The following ACSS2 variants were observed in gnomAD, a reference collection of about 807,000 sequenced individuals.
ACSS2 encodes acyl-CoA synthetase short chain family member 2, also known as acetyl-coenzyme A synthetase, cytoplasmic.
A neutral mutation model predicts 90.6 loss-of-function variants in ACSS2; 58 were observed. That is an observed-to-expected ratio of 0.64 (90% CI 0.52 to 0.80). The LOEUF (loss-of-function observed/expected upper bound fraction) is 0.80, where lower values mean the gene tolerates loss of function less well. Ranked by LOEUF, ACSS2 falls within the 30% of genes least tolerant of loss-of-function variation. ACSS2 has a pLI of 0.00. For synonymous variants in ACSS2, 300 were observed against 330.9 expected (o/e 0.91, Z 1.01); for missense variants, 759 against 912.0 (o/e 0.83, Z 2.16).
chr20:34,921,011 G>C lies in ACSS2; in HGVS notation c.1149G>C (p.Glu383Asp). Residue 383 changes from glutamate (E) to aspartate (D), a missense_variant, in exon 10 of 18, where the codon GAG (glutamate) becomes GAC (aspartate). By Grantham distance (45) the Glu-to-Asp change is conservative. Transcript: ENST00000360596. ...GACCAGCCTTCATGGGTCAGTTTGA[G>C]GGGATTCCCACATATCCGGACGTGA... Reference protein sequence around the residue: ...LANGATSVLFEGIPTYPDVNR... With the variant: ...LANGATSVLFDGIPTYPDVNR... The C allele has an allele frequency of 6.2e-7, 1 of 1,614,162 alleles. No individual in the cohort carries two copies. The highest frequency in any genetic ancestry group is 1.1e-5 in the South Asian group (1 of 91,090).
chr20:34,911,993 T>G (rs1288966591), intron 2 of ACSS2, among the ~76,000 whole-genome samples: 2 of 151,826 alleles, frequency 1.3e-5, no homozygotes, highest in African/African-American at 4.8e-5. Context: ...AATTTTTGTA[T>G]TTTTAGTAGA....
At chr20:34,909,821 A>T (rs1302621015) in intron 2 of ACSS2, among the ~76,000 whole-genome samples, 5 of 150,516 alleles carry the variant, frequency 3.3e-5, no homozygotes, top group African/African-American at 1.2e-4. Flanking sequence ...GGTTCAAATG[A>T]TCCTCCCGCC....
chr20:34,882,669 G>T, intron 1 of ACSS2, 125 bp from the exon 2 acceptor site: 1 of 797,924 alleles, frequency 1.3e-6, no homozygotes, highest in East Asian at 2.8e-5. Context: ...GTAAAGAAGG[G>T]ACCCAGGTGG....
intron 2 of ACSS2, among the ~76,000 whole-genome samples, chr20:34,909,360 C>G (rs1337459196): frequency 2.0e-5 from 3 of 151,676 alleles, no homozygotes; most frequent in African/African-American, 7.3e-5. Flanking sequence ...AGAGTGAGAC[C>G]CTGTCTCAAA....
chr20:34,898,860 C>T lies in ACSS2; in HGVS notation c.375-14236C>T, dbSNP rs146543081. On this transcript the variant is annotated intron_variant, in intron 2 of 17. Transcript: ENST00000360596. ...GGTGCCGTGAGCAGGGGGCGGTGCT[C>T]GTCGGGGGGGCTCGGGCCGCACAGG... 9.7e-3 allele frequency among the ~76,000 whole-genome samples: 1,437 copies of T among 147,812 alleles called. 12 individuals carry two copies. The highest frequency in any genetic ancestry group is 0.017 in the Middle Eastern group (5 of 290).
chr20:34,914,377 C>T lies in ACSS2; in HGVS notation c.774C>T (p.Leu258=), dbSNP rs767317489. 3.1e-6 allele frequency: 5 copies of T among 1,613,898 alleles called. No individual in the cohort carries two copies. The highest frequency in any genetic ancestry group is 1.1e-5 in the South Asian group (1 of 91,004). The change falls in exon 7 of 18, where the codon CTC becomes CTT. Residue 258 remains leucine, a synonymous_variant. Coordinates refer to ENST00000360596, the MANE Select transcript of ACSS2 (RefSeq NM_018677.4). ...TCAAGCACCTGGGGCGGGCAGAGCT[C>T]GGCATGGGTGACTCCACCAGCCAGT... is the stretch of plus-strand genomic sequence containing the variant. ...IVVKHLGRAE[L]GMGDSTSQSP... is the part of the protein sequence containing the mutation.
At chr20:34,910,244 A>G (rs1449197317) in intron 2 of ACSS2, among the ~76,000 whole-genome samples, 1 of 152,156 alleles carries the variant, frequency 6.6e-6, no homozygotes, top group Non-Finnish European at 1.5e-5. Context: ...ACTTCTTGCA[A>G]AGTAATTATT....
At chr20:34,924,459 G>A (rs150392931) in intron 14 of ACSS2, among the ~76,000 whole-genome samples, 40 of 152,310 alleles carry the variant, frequency 2.6e-4, no homozygotes, top group African/African-American at 9.4e-4. Context: ...GGCCTGAAGG[G>A]TGAGAAGGAA....
In ACSS2 at chr20:34,901,578, G is replaced by A. The variant is rs78426399; in HGVS notation, c.375-11518G>A. 7.4e-3 allele frequency among the ~76,000 whole-genome samples: 1,123 copies of A among 152,290 alleles called. 17 individuals are homozygous for A. Among genetic ancestry groups the A allele is most frequent in the African/African-American group, 0.026 (1,082 of 41,568 alleles). ...TGGTGAAAGGGAAATTGACTTGTGG[G>A]TATACTTATATCTTGAGTGCTCCAC... On this transcript the variant is annotated intron_variant, in intron 2 of 17. Coordinates refer to ENST00000360596, the MANE Select transcript of ACSS2 (RefSeq NM_018677.4).
At chr20:34,878,213 G>A (rs1370818168) in intron 1 of ACSS2, among the ~76,000 whole-genome samples, 2 of 152,206 alleles carry the variant, frequency 1.3e-5, no homozygotes, top group Non-Finnish European at 2.9e-5. Flanking sequence ...GTGATTACAT[G>A]TGCATGAGCT....
rs755452302 is a variant in ACSS2 at position 34,926,910 on chromosome 20, A to C, written c.1937A>C (p.Asp646Ala). 6.2e-7 allele frequency: 1 copy of C among 1,614,160 alleles called. No homozygotes were observed. Among genetic ancestry groups the C allele is most frequent in the Non-Finnish European group, 8.5e-7 (1 of 1,180,026 alleles). Residue 646 changes from aspartate to alanine, a missense_variant, in exon 17 of 18, where the codon GAC (aspartate) becomes GCC (alanine). Coordinates refer to ENST00000360596, the MANE Select transcript of ACSS2 (RefSeq NM_018677.4). Reference protein sequence around the residue: ...REKIGPIATPDYIQNAPGLPK... With the variant: ...REKIGPIATPAYIQNAPGLPK... ...AAGATTGGCCCCATTGCCACACCAG[A>C]CTACATCCAGAATGCACCTGGCTTG... is the stretch of plus-strand genomic sequence containing the variant.
intron 1 of ACSS2, among the ~76,000 whole-genome samples, chr20:34,881,628 C>T (rs2080073765): frequency 6.6e-6 from 1 of 152,140 alleles, no homozygotes; most frequent in African/African-American, 2.4e-5. Context: ...AACATATGCC[C>T]TTGGTCTCTT....
At chr20:34,882,574 A>T (rs2080092809) in intron 1 of ACSS2, among the ~76,000 whole-genome samples, 1 of 151,996 alleles carries the variant, frequency 6.6e-6, no homozygotes, top group South Asian at 2.1e-4. Context: ...GTGAGCCGAG[A>T]TCATGCCACT....
At chr20:34,908,936 A>G (rs1328867575) in intron 2 of ACSS2, 3 of 448,048 alleles carry the variant, frequency 6.7e-6, no homozygotes, top group South Asian at 1.6e-5. Context: ...CTACAGATAT[A>G]CTTGCAGGTG....
rs774923327 is a variant in ACSS2 at position 34,921,829 on chromosome 20, C to A, written c.1511C>A (p.Ser504Tyr). Residue 504 changes from serine (S) to tyrosine (Y), a missense_variant, in exon 13 of 18, where the codon TCC becomes TAC. By Grantham distance (144) the Ser-to-Tyr change is moderately radical. Coordinates refer to ENST00000360596, the MANE Select transcript of ACSS2 (RefSeq NM_018677.4). Reference sequence around the variant, plus strand: ...GTAGCTCCTGCAATCCTGAATGAGTCCGGGGAAGAGTTGGAAGGTGAAGCT... The same window carrying A: ...GTAGCTCCTGCAATCCTGAATGAGTACGGGGAAGAGTTGGAAGGTGAAGCT... ...FGVAPAILNE[S>Y]GEELEGEAEG... is the part of the protein sequence containing the mutation. 1.7e-5 allele frequency: 27 copies of A among 1,613,916 alleles called. No homozygotes were observed. Among genetic ancestry groups the A allele is most frequent in the Non-Finnish European group, 2.1e-5 (25 of 1,179,988 alleles).
At chr20:34,902,399 T>C (rs556258938) in intron 2 of ACSS2, among the ~76,000 whole-genome samples, 7 of 152,286 alleles carry the variant, frequency 4.6e-5, no homozygotes, top group African/African-American at 1.4e-4. Context: ...AGCAGTGTTA[T>C]GATGAATAAC....
upstream of ACSS2, chr20:34,875,247 T>C (rs968322659): frequency 2.1e-5 from 11 of 517,154 alleles, no homozygotes; most frequent in Admixed American, 1.9e-4. Flanking sequence ...GGGTTTCCCT[T>C]GGTGGAGTAA....
chr20:34,922,861 C>T lies in ACSS2; in HGVS notation c.1549-462C>T, dbSNP rs917975138. On this transcript the variant is annotated intron_variant, in intron 13 of 17. Transcript: ENST00000360596. ...CAGCCTAGAATTCCATCCATTCCATCGATCTGCTGCCAAAGAATGTTACTG... is the reference window on the plus strand; with the variant it reads ...CAGCCTAGAATTCCATCCATTCCATTGATCTGCTGCCAAAGAATGTTACTG... The T allele has an allele frequency of 6.3e-5, 10 of 158,604 alleles. No homozygotes were observed. The East Asian group carries it at 1.0e-3, about 16-fold the overall frequency. 9.8% of individuals were successfully genotyped at this position (158,604 alleles called of 1,614,324 possible). A position where few individuals can be genotyped will look rare whatever the true frequency, so the allele number is the denominator to read the frequency against.
At chr20:34,903,118 A>G (rs56103637) in intron 2 of ACSS2, among the ~76,000 whole-genome samples, 100,729 of 151,452 alleles carry the variant, frequency 0.67, 35,016 homozygotes, top group African/African-American at 0.87. Context: ...AAGGCAGGCA[A>G]ATCACTTGAG....
Sources: allele counts gnomAD v4.1 joint callset (sites outside exome capture counted in the v4.1 genomes callset), GRCh38; gene constraint gnomAD v4.1.1; transcripts MANE v1.5; gene names NCBI Gene and HGNC (gene_info 2026-07-23, HGNC 2026-07-21).